FNBP1L: variants seen among roughly 807,000 people sequenced by gnomAD.
FNBP1L encodes the protein formin-binding protein 1-like.
FNBP1L carries 36 observed loss-of-function variants against 91.2 expected under a neutral mutation model. The observed-to-expected ratio is 0.39, with a 90% CI of 0.30 to 0.52. FNBP1L has a LOEUF of 0.52. Ranked by LOEUF, FNBP1L falls within the 20% of genes least tolerant of loss-of-function variation. The probability of loss-of-function intolerance (pLI) is 0.66; values close to 1 mark genes in which losing one functional copy is unlikely to be tolerated. For missense variants in FNBP1L, 571 were observed against 732.1 expected, an observed-to-expected ratio of 0.78 and a Z score of 2.54; for synonymous variants, 242 against 237.0, an observed-to-expected ratio of 1.02 and a Z score of -0.19.
chr1:93,459,078 C>T (rs1417711097), intron 1 of FNBP1L, among the ~76,000 whole-genome samples: 4 of 152,108 alleles, frequency 2.6e-5, no homozygotes, highest in Non-Finnish European at 5.9e-5. Context: ...GATATGAGAC[C>T]AGCCTAGGCA....
chr1:93,528,750 A>G (rs1336407864), intron 5 of FNBP1L, among the ~76,000 whole-genome samples: 2 of 152,150 alleles, frequency 1.3e-5, no homozygotes, highest in African/African-American at 4.8e-5. Flanking sequence ...CCTTTGGGAA[A>G]GATTTATCAA....
chr1:93,466,334 G>C (rs2101692848), intron 1 of FNBP1L, among the ~76,000 whole-genome samples: 1 of 152,252 alleles, frequency 6.6e-6, no homozygotes, highest in East Asian at 1.9e-4. Context: ...TATGGTTTTA[G>C]ATCTAACATT....
At chr1:93,459,055 C>T (rs1295288135) in intron 1 of FNBP1L, among the ~76,000 whole-genome samples, 1 of 151,974 alleles carries the variant, frequency 6.6e-6, no homozygotes, top group African/African-American at 2.4e-5. Flanking sequence ...TGGGTGGATC[C>T]CTTGAGGCCA....
intron 2 of FNBP1L, among the ~76,000 whole-genome samples, chr1:93,508,951 T>C (rs1352646855): frequency 1.3e-5 from 2 of 152,232 alleles, no homozygotes; most frequent in East Asian, 3.9e-4. Flanking sequence ...TTTAAGATTA[T>C]GTCCTATCAA....
In FNBP1L at chr1:93,530,738, G is replaced by A. The variant is rs749164894; in HGVS notation, c.511-17G>A. On this transcript the variant is annotated splice_polypyrimidine_tract_variant and intron_variant, in intron 6 of 16. Transcript: ENST00000271234. The stretch of plus-strand genomic sequence containing the variant: ...TGATTTTGTTGTTGATAATAATTTC[G>A]ACCATTTTGCCCCTAGGCCAAACAG... 7.5e-6 allele frequency: 12 copies of A among 1,590,262 alleles called. No individual in the cohort carries two copies. The highest frequency in any genetic ancestry group is 3.4e-4 in the Middle Eastern group (2 of 5,942).
chr1:93,523,027 A>C (rs1425157417), intron 3 of FNBP1L, among the ~76,000 whole-genome samples: 1 of 152,206 alleles, frequency 6.6e-6, no homozygotes, highest in East Asian at 1.9e-4. Context: ...AACCAAGTTC[A>C]TTCCCAAGCT....
intron 2 of FNBP1L, among the ~76,000 whole-genome samples, chr1:93,501,599 A>G (rs1401339687): frequency 6.6e-6 from 1 of 152,150 alleles, no homozygotes; most frequent in Non-Finnish European, 1.5e-5. Context: ...GACACCTCCC[A>G]TTAGGCCCTA....
intron 2 of FNBP1L, 142 bp downstream of exon 2, chr1:93,499,725 G>C: frequency 6.8e-6 from 4 of 586,878 alleles, no homozygotes; most frequent in Non-Finnish European, 1.2e-5. Context: ...TTGTTTTAAT[G>C]ATTAATTAAG....
intron 7 of FNBP1L, among the ~76,000 whole-genome samples, chr1:93,531,429 T>C (rs1425730684): frequency 2.0e-5 from 3 of 152,146 alleles, no homozygotes; most frequent in Admixed American, 2.0e-4. Context: ...CCTCAGAATT[T>C]TCATGAGGGT....
intron 1 of FNBP1L, among the ~76,000 whole-genome samples, chr1:93,482,431 A>AT (rs894658030): frequency 1.3e-5 from 2 of 151,724 alleles, no homozygotes; most frequent in Non-Finnish European, 2.9e-5. Context: ...TTTTCTTTAA[A>AT]TTTTTTTATA....
At chr1:93,499,804 G>A (rs953851338) in intron 2 of FNBP1L, among the ~76,000 whole-genome samples, 2 of 152,110 alleles carry the variant, frequency 1.3e-5, no homozygotes, top group Non-Finnish European at 2.9e-5. Flanking sequence ...ATTCCAGAAA[G>A]ACACTTAAAA....
chr1:93,543,277 G>C (rs1267454133), intron 11 of FNBP1L, among the ~76,000 whole-genome samples: 1 of 152,118 alleles, frequency 6.6e-6, no homozygotes, highest in Non-Finnish European at 1.5e-5. Flanking sequence ...TAAGGGAAAA[G>C]GTGTCATTTG....
chr1:93,483,656 A>G (rs753171600), intron 1 of FNBP1L, among the ~76,000 whole-genome samples: 1 of 152,230 alleles, frequency 6.6e-6, no homozygotes, highest in Non-Finnish European at 1.5e-5. Flanking sequence ...TAGACCATAT[A>G]TAGATAAAAC....
chr1:93,527,361 G>C (rs1165784633), intron 5 of FNBP1L, among the ~76,000 whole-genome samples: 1 of 152,136 alleles, frequency 6.6e-6, no homozygotes, highest in East Asian at 1.9e-4. Context: ...TTGGAAAAAT[G>C]GGGACAGGGT....
At chr1:93,463,696 T>C (rs1376245431) in intron 1 of FNBP1L, among the ~76,000 whole-genome samples, 1 of 152,180 alleles carries the variant, frequency 6.6e-6, no homozygotes, top group Non-Finnish European at 1.5e-5. Context: ...TGTTAACCCA[T>C]ATCCCTGTGG....
intron 12 of FNBP1L, 54 bp from the exon 13 acceptor site, chr1:93,546,788 A>G (rs1185793505): frequency 1.3e-6 from 2 of 1,589,692 alleles, no homozygotes; most frequent in Non-Finnish European, 1.7e-6. Context: ...AAACTCTTTT[A>G]TCTGGAAGCA....
At chr1:93,538,482 A>G (rs1187819818) in intron 10 of FNBP1L, among the ~76,000 whole-genome samples, 1 of 152,134 alleles carries the variant, frequency 6.6e-6, no homozygotes, top group Non-Finnish European at 1.5e-5. Flanking sequence ...AAGAGAAAAT[A>G]TGACAAACCA....
Position 93,544,114 on chromosome 1 carries a change from CA to C in FNBP1L, c.1173del (p.Leu392Ter), listed in dbSNP as rs1393831376. Reference protein sequence around the residue: ...KRGWSVKMGPALEDFSHLPPE... With the variant: ...KRGWSVKMGPXLEDFSHLPPE... ...TTTAGATTCTCTTTTCAGGGCCCAG[CA>C]CTAGAAGATTTCAGTCATCTGCCAC... is the stretch of plus-strand genomic sequence containing the variant. On this transcript the variant is annotated frameshift_variant, in exon 12 of 17. Coordinates refer to ENST00000271234, the MANE Select transcript of FNBP1L (RefSeq NM_001164473.3). LOFTEE classifies it high-confidence loss of function. 6.2e-7 allele frequency: 1 copy of C among 1,605,522 alleles called. No homozygotes were observed. Among genetic ancestry groups the C allele is most frequent in the Non-Finnish European group, 8.5e-7 (1 of 1,175,118 alleles).
At chr1:93,451,542 A>G (rs916166333) in intron 1 of FNBP1L, among the ~76,000 whole-genome samples, 2 of 152,336 alleles carry the variant, frequency 1.3e-5, no homozygotes, top group African/African-American at 4.8e-5. Context: ...GATTTAATTT[A>G]TAAGTGCATA....
Sources: allele counts gnomAD v4.1 joint callset (sites outside exome capture counted in the v4.1 genomes callset), GRCh38; gene constraint gnomAD v4.1.1; transcripts MANE v1.5; gene names NCBI Gene and HGNC (gene_info 2026-07-23, HGNC 2026-07-21).